The following COL10A1 variants were observed in gnomAD, a reference collection of about 807,000 sequenced individuals.
COL10A1 encodes collagen type X alpha 1 chain, also known as collagen alpha-1(X) chain.
A neutral mutation model predicts 18.2 loss-of-function variants in COL10A1; 10 were observed. The observed-to-expected ratio is 0.55, with a 90% confidence interval of 0.34 to 0.93. The LOEUF (loss-of-function observed/expected upper bound fraction) is 0.93, where lower values mean the gene tolerates loss of function less well. Among genes scored for constraint, COL10A1 ranks in the 40% least tolerant of loss-of-function variants. COL10A1 has a pLI of 0.02. For missense variants in COL10A1, 897 were observed against 853.5 expected (o/e 1.05, Z -0.64); for synonymous variants, 330 against 316.6 (o/e 1.04, Z -0.45).
At chr6:116,172,429 C>T in the COL10A1 span, among the ~76,000 whole-genome samples, 6 of 147,426 alleles carry the variant, frequency 4.1e-5, no homozygotes, top group Non-Finnish European at 8.9e-5. Flanking sequence ...TCAGGCAATT[C>T]TCCTGCCTCA....
At chr6:116,127,460 T>TAA (rs1296251735), upstream of COL10A1, among the ~76,000 whole-genome samples, 5 of 152,284 alleles carry the variant, frequency 3.3e-5, no homozygotes, top group South Asian at 1.0e-3. Context: ...ATGTTTCTTA[T>TAA]AGCAGTTTAG....
intron 1 of COL10A1, among the ~76,000 whole-genome samples, chr6:116,154,250 A>G (rs1308224779): frequency 6.6e-6 from 1 of 152,174 alleles, no homozygotes; most frequent in African/African-American, 2.4e-5. Flanking sequence ...TGATAAATAT[A>G]TTCAATATTT....
chr6:116,155,791 T>C (rs1208154705), intron 1 of COL10A1, among the ~76,000 whole-genome samples: 2 of 151,244 alleles, frequency 1.3e-5, no homozygotes, highest in East Asian at 3.9e-4. Context: ...AAGTTGTGTG[T>C]GTACTGAAAT....
At chr6:116,159,622 A>T (rs1014963385), upstream of COL10A1, among the ~76,000 whole-genome samples, 1 of 152,218 alleles carries the variant, frequency 6.6e-6, no homozygotes, top group Non-Finnish European at 1.5e-5. Context: ...CACTGCTGTC[A>T]TCTTTTTCCC....
chr6:116,189,639 C>A, the COL10A1 span, among the ~76,000 whole-genome samples: 1 of 151,788 alleles, frequency 6.6e-6, no homozygotes, highest in African/African-American at 2.4e-5. Context: ...GTTATGCAGA[C>A]TGTTTTTCTA....
rs1180222679 is a variant in COL10A1 at position 116,119,270 on chromosome 6, A to G, written c.*803T>C. On this transcript the variant is annotated 3_prime_UTR_variant, in exon 3 of 3. Coordinates refer to ENST00000651968, the MANE Select transcript of COL10A1 (RefSeq NM_000493.4). The stretch of plus-strand genomic sequence containing the variant: ...CTGTAAATCCAGAAAATCATATCAC[A>G]TAAGATTCAATAAGGAATTAAAGAA... 1.3e-5 allele frequency: 2 copies of G among 152,646 alleles called. No homozygotes were observed. The highest frequency in any genetic ancestry group is 2.9e-5 in the Non-Finnish European group (2 of 68,052). 9.5% of individuals were successfully genotyped at this position (152,646 alleles called of 1,614,324 possible). A position where few individuals can be genotyped will look rare whatever the true frequency, so the allele number is the denominator to read the frequency against.
In COL10A1 at chr6:116,120,058, T is replaced by C; in HGVS notation, c.*15A>G. On this transcript the variant is annotated 3_prime_UTR_variant, in exon 3 of 3. Coordinates refer to ENST00000651968, the MANE Select transcript of COL10A1 (RefSeq NM_000493.4). ...GCTTTTTCTAGCACAAGATTTAGAT[T>C]AGCTCTGTGTGTACTCACATTGGAG... is the stretch of plus-strand genomic sequence containing the variant. 1 of 1,468,520 alleles carries C rather than the reference T, an allele frequency of 6.8e-7. No individual in the cohort carries two copies. Among genetic ancestry groups the C allele is most frequent in the Non-Finnish European group, 9.0e-7 (1 of 1,112,908 alleles). The allele number at this position is 1,468,520 out of a possible 1,614,324, so 91.0% of individuals were successfully genotyped here. A position where few individuals can be genotyped will look rare whatever the true frequency, so the allele number is the denominator to read the frequency against.
At chr6:116,213,205 G>A in the COL10A1 span, among the ~76,000 whole-genome samples, 2 of 152,182 alleles carry the variant, frequency 1.3e-5, no homozygotes, top group Admixed American at 6.5e-5. Flanking sequence ...TGTGGTTGCA[G>A]TCAGATGTCA....
rs117301377 is a variant in COL10A1, at chr6:116,141,488, T to A, written c.-15-15981A>T. Among the ~76,000 whole-genome samples, 378 of 151,390 alleles carry A rather than the reference T, an allele frequency of 2.5e-3. 2 individuals carry two copies. Among genetic ancestry groups the A allele is most frequent in the Non-Finnish European group, 4.7e-3 (317 of 67,848 alleles). On this transcript the variant is annotated intron_variant, in intron 1 of 1. Coordinates refer to the COL10A1 transcript ENST00000418500. ...TACTTACATTGTTCTTTTCCCAACT[T>A]TCCAGTGGGACTCCAAGTCATTGTA...
the COL10A1 span, among the ~76,000 whole-genome samples, chr6:116,170,860 TG>T: frequency 6.6e-6 from 1 of 152,204 alleles, no homozygotes; most frequent in Non-Finnish European, 1.5e-5. Context: ...CCTCATTATC[TG>T]TCAGGGCCAA....
the COL10A1 span, among the ~76,000 whole-genome samples, chr6:116,167,592 A>G: frequency 6.6e-6 from 1 of 152,198 alleles, no homozygotes; most frequent in African/African-American, 2.4e-5. Flanking sequence ...TAAAATTGCA[A>G]TATTTTATAA....
the COL10A1 span, among the ~76,000 whole-genome samples, chr6:116,184,733 C>A: frequency 6.6e-6 from 1 of 151,958 alleles, no homozygotes; most frequent in Non-Finnish European, 1.5e-5. Flanking sequence ...GTTGTAATAT[C>A]TTCTGTTTCA....
chr6:116,135,532 T>A (rs1051361916), intron 1 of COL10A1, among the ~76,000 whole-genome samples: 1 of 151,898 alleles, frequency 6.6e-6, no homozygotes, highest in African/African-American at 2.4e-5. Flanking sequence ...TTTTTCTCAT[T>A]AAAATCTTAG....
At chr6:116,162,005 G>A (rs1200670112), upstream of COL10A1, among the ~76,000 whole-genome samples, 2 of 151,994 alleles carry the variant, frequency 1.3e-5, no homozygotes, top group Non-Finnish European at 1.5e-5. Context: ...CATCTTAAAT[G>A]TATTCCTAGA....
In COL10A1 at chr6:116,121,328, A is replaced by G. The variant is rs200461789; in HGVS notation, c.788T>C (p.Ile263Thr). ...GGCTCCAGCAGCTCCTGGCTTTCCAATGCCTTCTGGCCCTCGTTCCCCAGG... is the reference window on the plus strand; with the variant it reads ...GGCTCCAGCAGCTCCTGGCTTTCCAGTGCCTTCTGGCCCTCGTTCCCCAGG... ...GPPGERGPEG[I>T]GKPGAAGAPG... Residue 263 changes from isoleucine (I) to threonine (T), a missense_variant, in exon 3 of 3, where the codon ATT becomes ACT. Physicochemically the swap from Ile to Thr is moderately conservative, Grantham distance 89. Coordinates refer to ENST00000651968, the MANE Select transcript of COL10A1 (RefSeq NM_000493.4). 52 of 1,613,664 alleles carry G rather than the reference A, an allele frequency of 3.2e-5. No individual in the cohort carries two copies. In the East Asian group the frequency reaches 6.5e-4, roughly 20 times the overall value.
chr6:116,150,334 G>A (rs996288825), intron 1 of COL10A1, among the ~76,000 whole-genome samples: 1 of 152,160 alleles, frequency 6.6e-6, no homozygotes, highest in Non-Finnish European at 1.5e-5. Flanking sequence ...CACCCAGGAA[G>A]GAATGCAGTG....
intron 1 of COL10A1, among the ~76,000 whole-genome samples, chr6:116,135,316 A>G (rs1004710304): frequency 6.6e-6 from 1 of 152,134 alleles, no homozygotes; most frequent in African/African-American, 2.4e-5. Flanking sequence ...TTGCATCAAT[A>G]TCATTAAAAT....
chr6:116,174,165 A>G, the COL10A1 span, among the ~76,000 whole-genome samples: 2 of 152,134 alleles, frequency 1.3e-5, no homozygotes, highest in Non-Finnish European at 2.9e-5. Context: ...AACCTTGATT[A>G]CCTGACCAAC....
the COL10A1 span, among the ~76,000 whole-genome samples, chr6:116,184,325 A>G: frequency 6.6e-6 from 1 of 152,140 alleles, no homozygotes; most frequent in South Asian, 2.1e-4. Flanking sequence ...AGGATTTTGC[A>G]TTTATGTTCA....
Sources: allele counts gnomAD v4.1 joint callset (sites outside exome capture counted in the v4.1 genomes callset), GRCh38; gene constraint gnomAD v4.1.1; transcripts MANE v1.5; gene names NCBI Gene and HGNC (gene_info 2026-07-23, HGNC 2026-07-21).